SLC37A3: variants seen among roughly 807,000 people sequenced by gnomAD.
SLC37A3 encodes the protein solute carrier family 37 member 3.
Under a neutral mutation model 67.1 loss-of-function variants are expected in SLC37A3, and 51 were observed. The observed-to-expected ratio is 0.76, with a 90% CI of 0.61 to 0.96. The LOEUF (loss-of-function observed/expected upper bound fraction) is 0.96, where lower values mean the gene tolerates loss of function less well. Among genes scored for constraint, SLC37A3 ranks in the 40% least tolerant of loss-of-function variants. The pLI is 0.00. For synonymous variants in SLC37A3, 214 were observed against 231.4 expected, an observed-to-expected ratio of 0.92 and a Z score of 0.68; for missense variants, 508 against 603.0, an observed-to-expected ratio of 0.84 and a Z score of 1.65.
intron 5 of SLC37A3, 148 bp downstream of exon 5, chr7:140,364,260 A>G (rs1002057856): frequency 1.0e-5 from 7 of 697,184 alleles, no homozygotes; most frequent in East Asian, 8.6e-5. Flanking sequence ...TCGGGGGGGA[A>G]AAAAAAGACT....
At chr7:140,397,350 C>A (rs1283745482) in intron 1 of SLC37A3, among the ~76,000 whole-genome samples, 1 of 151,560 alleles carries the variant, frequency 6.6e-6, no homozygotes, top group Non-Finnish European at 1.5e-5. Flanking sequence ...TGCGCCACGA[C>A]GCCCAGCTAA....
rs535402536 is a variant in SLC37A3, at chr7:140,355,312, A to C, written c.618+356T>G. ...CTGCAACCTCCGCCTCGTGGGTTCA[A>C]ACGATTCTCCTGCCTCAGCCTCCAG... On this transcript the variant is annotated intron_variant, in intron 7 of 14. Transcript: ENST00000326232. 3.7e-4 allele frequency among the ~76,000 whole-genome samples: 56 copies of C among 152,234 alleles called. No homozygotes were observed. In the South Asian group the frequency reaches 6.0e-3, roughly 16 times the overall value.
intron 6 of SLC37A3, among the ~76,000 whole-genome samples, chr7:140,357,564 G>GA (rs146188700): frequency 1.1e-3 from 131 of 118,628 alleles, no homozygotes; most frequent in East Asian, 2.2e-3. Flanking sequence ...TTCTCTACAG[G>GA]AAAAAAAAAA....
chr7:140,340,941 AAATAG>A (rs986452371), intron 13 of SLC37A3, among the ~76,000 whole-genome samples: 44 of 134,336 alleles, frequency 3.3e-4, no homozygotes, highest in African/African-American at 1.2e-3. Flanking sequence ...CAAAAAAAAA[AAATAG>A]AGAGAGAGAG....
intron 3 of SLC37A3, among the ~76,000 whole-genome samples, chr7:140,369,948 TA>T (rs1797755390): frequency 6.6e-6 from 1 of 152,044 alleles, no homozygotes; most frequent in South Asian, 2.1e-4. Context: ...CTGTCTCTAC[TA>T]AAAATACAAA....
chr7:140,372,527 A>G (rs1349800016), intron 3 of SLC37A3, among the ~76,000 whole-genome samples: 1 of 152,224 alleles, frequency 6.6e-6, no homozygotes, highest in African/African-American at 2.4e-5. Context: ...CATATTGCTC[A>G]CTGCAGCATG....
chr7:140,390,308 G>A (rs571215995), intron 1 of SLC37A3, among the ~76,000 whole-genome samples: 23 of 151,930 alleles, frequency 1.5e-4, no homozygotes, highest in South Asian at 6.2e-4. Context: ...AGAGATACAC[G>A]GTTAGCAAGC....
At chr7:140,370,867 T>C (rs1011685015) in intron 3 of SLC37A3, among the ~76,000 whole-genome samples, 5 of 152,248 alleles carry the variant, frequency 3.3e-5, no homozygotes, top group Non-Finnish European at 7.3e-5. Flanking sequence ...TAAGTATTTG[T>C]TGCCCTAGAG....
At position 140,352,145 on chromosome 7, in the gene SLC37A3, T is replaced by TC. The variant is rs1796836128; in HGVS notation, c.619_620insG (p.Tyr207Ter). ...ASSVLQYGYE[Y>*]AFLVTASVQF... ...CACAGACGCCGTCACCAGAAAGGCA[T>TC]ACTGGAGGAGAGGGGTGAAAGGTGG... Residue 207 changes from tyrosine (Y) to a stop codon, truncating the protein, a stop_gained and frameshift_variant and splice_region_variant, in exon 8 of 15, where the codon TAT becomes TGAT. Coordinates refer to ENST00000326232, the MANE Select transcript of SLC37A3 (RefSeq NM_207113.3). LOFTEE classifies it high-confidence loss of function. 1.2e-6 allele frequency: 2 copies of TC among 1,609,490 alleles called. No homozygotes were observed. Among genetic ancestry groups the TC allele is most frequent in the South Asian group, 1.1e-5 (1 of 90,648 alleles).
chr7:140,371,320 C>G lies in SLC37A3; in HGVS notation c.199-1638G>C, dbSNP rs1180056113. Reference sequence around the variant, plus strand: ...CCTCCCTCAGCTGGGATTACAGGCACGTGCCACCACGCCCAGATAATTTTT... The same window carrying G: ...CCTCCCTCAGCTGGGATTACAGGCAGGTGCCACCACGCCCAGATAATTTTT... On this transcript the variant is annotated intron_variant, in intron 3 of 14. Transcript: ENST00000326232. Among the ~76,000 whole-genome samples the G allele has an allele frequency of 2.0e-5, 3 of 152,186 alleles. No homozygotes were observed. The South Asian group carries it at 6.2e-4, about 32-fold the overall frequency.
At chr7:140,388,998 A>G (rs1377174701) in intron 1 of SLC37A3, among the ~76,000 whole-genome samples, 1 of 152,176 alleles carries the variant, frequency 6.6e-6, no homozygotes, top group Non-Finnish European at 1.5e-5. Flanking sequence ...GGAAATTATG[A>G]CAGTGAAAGA....
intron 6 of SLC37A3, among the ~76,000 whole-genome samples, chr7:140,357,761 T>A (rs1055339667): frequency 8.6e-5 from 13 of 151,712 alleles, no homozygotes; most frequent in Non-Finnish European, 1.8e-4. Flanking sequence ...GTACTAAAAA[T>A]GCAAAACTAG....
chr7:140,370,588 C>A (rs1474315172), intron 3 of SLC37A3: 2 of 68,804 alleles, frequency 2.9e-5, no homozygotes, highest in East Asian at 2.0e-3. Context: ...CAATTTCCTC[C>A]AGTCAGTGGT....
chr7:140,362,901 C>T (rs1439802385), intron 5 of SLC37A3, among the ~76,000 whole-genome samples: 4 of 16,854 alleles, frequency 2.4e-4, no homozygotes, highest in African/African-American at 7.1e-4. Flanking sequence ...GGGAGGGAGG[C>T]GGGGGGGGGG....
At chr7:140,395,115 T>C (rs1798866675) in intron 1 of SLC37A3, among the ~76,000 whole-genome samples, 1 of 152,008 alleles carries the variant, frequency 6.6e-6, no homozygotes, top group Admixed American at 6.6e-5. Flanking sequence ...CAGTGGCTCA[T>C]GCCTGTAACC....
intron 3 of SLC37A3, among the ~76,000 whole-genome samples, chr7:140,372,620 T>A (rs1376150286): frequency 6.6e-6 from 1 of 152,124 alleles, no homozygotes; most frequent in Non-Finnish European, 1.5e-5. Flanking sequence ...CCCAGCACTT[T>A]GGGAGGCCGA....
chr7:140,346,225 A>C (rs1437946491), intron 10 of SLC37A3, among the ~76,000 whole-genome samples: 1 of 151,922 alleles, frequency 6.6e-6, no homozygotes, highest in Non-Finnish European at 1.5e-5. Flanking sequence ...TAAAAATACA[A>C]AAAAATTAGC....
chr7:140,358,095 A>G (rs1179278536), intron 6 of SLC37A3, among the ~76,000 whole-genome samples: 1 of 151,990 alleles, frequency 6.6e-6, no homozygotes, highest in Non-Finnish European at 1.5e-5. Context: ...AAGAAAAAAA[A>G]GCTCCTTGAA....
intron 4 of SLC37A3, among the ~76,000 whole-genome samples, chr7:140,366,953 G>A (rs565113200): frequency 5.0e-4 from 76 of 152,120 alleles, no homozygotes; most frequent in African/African-American, 1.6e-3. Context: ...TGACCAACAC[G>A]GTGAAACCCC....
Sources: allele counts gnomAD v4.1 joint callset (sites outside exome capture counted in the v4.1 genomes callset), GRCh38; gene constraint gnomAD v4.1.1; transcripts MANE v1.5; gene names NCBI Gene and HGNC (gene_info 2026-07-23, HGNC 2026-07-21).